Variants in INTS4 observed in about 807,000 individuals in gnomAD.
The protein encoded by INTS4 is MSTP093.
Under a neutral mutation model 119.5 loss-of-function variants are expected in INTS4, and 70 were observed. The ratio of observed to expected loss-of-function variants is 0.59; its 90% confidence interval spans 0.48 to 0.71. The LOEUF (loss-of-function observed/expected upper bound fraction) is 0.71, where lower values mean the gene tolerates loss of function less well. Ranked by LOEUF, INTS4 falls within the 30% of genes least tolerant of loss-of-function variation. The pLI is 0.00. For missense variants in INTS4, 867 were observed against 1,173.2 expected (o/e 0.74, Z 3.81); for synonymous variants, 316 against 419.6 (o/e 0.75, Z 3.02).
At chr11:77,957,119 A>G (rs1293765149) in intron 7 of INTS4, among the ~76,000 whole-genome samples, 1 of 152,126 alleles carries the variant, frequency 6.6e-6, no homozygotes, top group African/African-American at 2.4e-5. Context: ...TATTTTTAGT[A>G]GAGATGGTTC....
chr11:77,928,326 A>T lies in INTS4; in HGVS notation c.1371+16T>A. On this transcript the variant is annotated intron_variant, in intron 11 of 22. Coordinates refer to ENST00000534064, the MANE Select transcript of INTS4 (RefSeq NM_033547.4). ...GTGAGGGATGAAGAAATGAGTAACA[A>T]ATTAGAAACACTCACCTCTAGCACA... 1.2e-6 allele frequency: 2 copies of T among 1,612,754 alleles called. No homozygotes were observed. The highest frequency in any genetic ancestry group is 1.7e-6 in the Non-Finnish European group (2 of 1,179,368).
intron 4 of INTS4, chr11:77,963,319 T>C (rs1213149116): frequency 3.0e-5 from 11 of 370,738 alleles, no homozygotes; most frequent in Non-Finnish European, 5.0e-5. Flanking sequence ...TAAGAACTGC[T>C]TTTCTGGCCG....
At chr11:77,879,582 G>C (rs890027799) in intron 22 of INTS4, among the ~76,000 whole-genome samples, 4 of 152,166 alleles carry the variant, frequency 2.6e-5, no homozygotes, top group Admixed American at 2.6e-4. Flanking sequence ...CTTTGAATAG[G>C]AAGTGGTTCG....
At chr11:77,972,858 G>T in intron 4 of INTS4, among the ~76,000 whole-genome samples, 1 of 150,086 alleles carries the variant, frequency 6.7e-6, no homozygotes, top group Non-Finnish European at 1.5e-5. Context: ...ATACAGATAG[G>T]GTCTCATTCT....
intron 13 of INTS4, among the ~76,000 whole-genome samples, chr11:77,921,952 A>G (rs1309501713): frequency 1.3e-5 from 2 of 152,180 alleles, no homozygotes; most frequent in African/African-American, 2.4e-5. Context: ...AATCATTTGA[A>G]TCCGGGAGGC....
intron 6 of INTS4, among the ~76,000 whole-genome samples, chr11:77,959,334 T>G (rs183316252): frequency 5.4e-4 from 83 of 152,300 alleles, no homozygotes; most frequent in African/African-American, 2.0e-3. Flanking sequence ...CCTTTATAAC[T>G]ACTTATGGCT....
chr11:77,947,461 G>A (rs1005326103), intron 8 of INTS4, among the ~76,000 whole-genome samples: 38 of 152,128 alleles, frequency 2.5e-4, no homozygotes, highest in African/African-American at 6.8e-4. Context: ...CAGAAACCTC[G>A]CAGACCAAGA....
At chr11:77,975,052 T>G (rs1217164135) in intron 4 of INTS4, among the ~76,000 whole-genome samples, 1 of 152,200 alleles carries the variant, frequency 6.6e-6, no homozygotes, top group Non-Finnish European at 1.5e-5. Flanking sequence ...AAATTTGGTT[T>G]TGTTGATTAT....
intron 14 of INTS4, among the ~76,000 whole-genome samples, chr11:77,920,000 G>C (rs1278623343): frequency 4.6e-5 from 7 of 151,690 alleles, no homozygotes; most frequent in Admixed American, 4.6e-4. Context: ...GTAGAGATGA[G>C]GTTTCACCAT....
intron 22 of INTS4, among the ~76,000 whole-genome samples, chr11:77,881,695 C>G (rs1951797879): frequency 6.6e-6 from 1 of 152,208 alleles, no homozygotes; most frequent in Admixed American, 6.5e-5. Flanking sequence ...ACTAGAGACA[C>G]AGGCTACTAA....
downstream of INTS4, chr11:77,876,917 G>A: frequency 1.4e-6 from 1 of 701,964 alleles, no homozygotes. Context: ...ATGGGCTCAG[G>A]CAGCAGCCAT....
At chr11:77,933,569 C>G (rs544108694) in intron 10 of INTS4, among the ~76,000 whole-genome samples, 10 of 152,280 alleles carry the variant, frequency 6.6e-5, no homozygotes, top group African/African-American at 2.4e-4. Flanking sequence ...GATCTCGGCT[C>G]GCTACAACCT....
At chr11:77,900,309 C>T (rs367648457) in intron 18 of INTS4, among the ~76,000 whole-genome samples, 57 of 152,198 alleles carry the variant, frequency 3.7e-4, no homozygotes, top group South Asian at 2.5e-3. Context: ...CCATGTTAGC[C>T]AGGATGCTCT....
chr11:77,974,213 T>C (rs1487667720), intron 4 of INTS4, among the ~76,000 whole-genome samples: 1 of 151,042 alleles, frequency 6.6e-6, no homozygotes, highest in Non-Finnish European at 1.5e-5. Flanking sequence ...AGTTATCTAA[T>C]TTATTGGTAT....
intron 4 of INTS4, among the ~76,000 whole-genome samples, chr11:77,976,255 A>G (rs1212493240): frequency 6.6e-6 from 1 of 152,230 alleles, no homozygotes; most frequent in Non-Finnish European, 1.5e-5. Context: ...GGGCATATAA[A>G]CTGGAACACT....
chr11:77,909,559 C>T (rs1424543305), intron 15 of INTS4, among the ~76,000 whole-genome samples: 1 of 152,178 alleles, frequency 6.6e-6, no homozygotes. Context: ...GACCTCACTT[C>T]CTCATAACAT....
At chr11:77,892,267 C>T (rs1952307114) in intron 19 of INTS4, among the ~76,000 whole-genome samples, 2 of 152,160 alleles carry the variant, frequency 1.3e-5, no homozygotes, top group Non-Finnish European at 2.9e-5. Flanking sequence ...ATTCAAGTGG[C>T]AGAAACACTG....
At chr11:77,874,840 C>T (rs1017203455), downstream of INTS4, among the ~76,000 whole-genome samples, 1 of 152,118 alleles carries the variant, frequency 6.6e-6, no homozygotes, top group Non-Finnish European at 1.5e-5. Flanking sequence ...AGTTCGAGAC[C>T]AGCCTGGCCA....
At chr11:77,934,949 G>T (rs893096425) in intron 10 of INTS4, among the ~76,000 whole-genome samples, 1 of 152,160 alleles carries the variant, frequency 6.6e-6, no homozygotes, top group African/African-American at 2.4e-5. Context: ...GTATGATTTT[G>T]TAGGCACTTT....
Sources: allele counts gnomAD v4.1 joint callset (sites outside exome capture counted in the v4.1 genomes callset), GRCh38; gene constraint gnomAD v4.1.1; transcripts MANE v1.5; gene names NCBI Gene and HGNC (gene_info 2026-07-23, HGNC 2026-07-21).